Variants in ISL2 observed in about 807,000 individuals in gnomAD.
The protein encoded by ISL2 is ISL LIM homeobox 2, also known as insulin gene enhancer protein ISL-2.
ISL2 carries 17 observed loss-of-function variants against 34.6 expected under a neutral mutation model. The ratio of observed to expected loss-of-function variants is 0.49; its 90% CI spans 0.34 to 0.74. The LOEUF (loss-of-function observed/expected upper bound fraction) is 0.74. ISL2 is among the 30% of genes least tolerant of loss of function. The pLI, the probability that ISL2 is intolerant of heterozygous loss-of-function variation, is 0.01. For missense variants in ISL2, 469 were observed against 515.2 expected (o/e 0.91, Z 0.87); for synonymous variants, 232 against 225.5 (o/e 1.03, Z -0.26).
chr15:76,342,031 C>T lies in ISL2; in HGVS notation c.*196C>T. Reference sequence around the variant, plus strand: ...AACCTGCTTTCACCAGACTGCAGACCCCTGCTCCGAGGACTCTTAGTTTTT... The same window carrying T: ...AACCTGCTTTCACCAGACTGCAGACTCCTGCTCCGAGGACTCTTAGTTTTT... On this transcript the variant is annotated 3_prime_UTR_variant, in exon 6 of 6. Coordinates refer to ENST00000290759, the MANE Select transcript of ISL2 (RefSeq NM_145805.3). The T allele has an allele frequency of 1.8e-6, 1 of 553,416 alleles. No homozygotes were observed. Among genetic ancestry groups the T allele is most frequent in the Non-Finnish European group, 3.2e-6 (1 of 309,752 alleles). 34.3% of individuals were successfully genotyped at this position (553,416 alleles called of 1,614,324 possible).
At position 76,342,206 on chromosome 15, in the gene ISL2, C is replaced by G. The variant is rs537744934; in HGVS notation, c.*371C>G. On this transcript the variant is annotated 3_prime_UTR_variant, in exon 6 of 6. Coordinates refer to ENST00000290759, the MANE Select transcript of ISL2 (RefSeq NM_145805.3). ...CGCGGACCCCCGCCCTGCCCCAGCTCAGCGCTCCCTGGCGGCTTCGCCCGG... is the reference window on the plus strand; with the variant it reads ...CGCGGACCCCCGCCCTGCCCCAGCTGAGCGCTCCCTGGCGGCTTCGCCCGG... The G allele has an allele frequency of 7.7e-5, 14 of 183,000 alleles. No individual in the cohort carries two copies. Among genetic ancestry groups the G allele is most frequent in the African/African-American group, 3.3e-4 (14 of 42,824 alleles). 11.3% of individuals were successfully genotyped at this position (183,000 alleles called of 1,614,324 possible).
Position 76,340,415 on chromosome 15 carries a change from C to G in ISL2, c.651C>G (p.Asp217Glu), listed in dbSNP as rs552886276. ...RTCYAANPRP[D>E]ALMKEQLVEM... Reference sequence around the variant, plus strand: ...GCTACGCCGCCAACCCGCGGCCCGACGCTCTCATGAAGGAGCAGCTGGTGG... The same window carrying G: ...GCTACGCCGCCAACCCGCGGCCCGAGGCTCTCATGAAGGAGCAGCTGGTGG... The change falls in exon 4 of 6, where the codon GAC becomes GAG. Residue 217 changes from aspartate (D) to glutamate (E), a missense_variant. Coordinates refer to ENST00000290759, the MANE Select transcript of ISL2 (RefSeq NM_145805.3). 2 of 1,613,762 alleles carry G rather than the reference C, an allele frequency of 1.2e-6. No individual in the cohort carries two copies. Among genetic ancestry groups the G allele is most frequent in the South Asian group, 2.2e-5 (2 of 91,088 alleles).
Position 76,336,801 on chromosome 15 carries a change from A to T in ISL2, c.-83A>T. ...TCAACTCCGCGGGGCAGTAGGAGTT[A>T]GTTAGCAAAGAGCCGAGGCCGGGCG... On this transcript the variant is annotated 5_prime_UTR_variant, in exon 1 of 6. Coordinates refer to ENST00000290759, the MANE Select transcript of ISL2 (RefSeq NM_145805.3). 8.4e-7 allele frequency: 1 copy of T among 1,191,742 alleles called. No homozygotes were observed. The highest frequency in any genetic ancestry group is 1.3e-6 in the Non-Finnish European group (1 of 797,038). The allele number at this position is 1,191,742 out of a possible 1,614,324, so 73.8% of individuals were successfully genotyped here.
Position 76,338,357 on chromosome 15 carries a change from C to A in ISL2, c.354C>A (p.Ser118=). 1 of 1,559,244 alleles carries A rather than the reference C, an allele frequency of 6.4e-7. No individual in the cohort carries two copies. The highest frequency in any genetic ancestry group is 2.5e-5 in the East Asian group (1 of 39,332). The change falls in exon 3 of 6, where the codon TCC becomes TCA. Residue 118 remains serine (S), a synonymous_variant. Coordinates refer to ENST00000290759, the MANE Select transcript of ISL2 (RefSeq NM_145805.3). ...SVYHIECFRC[S]VCSRQLLPGD... is the part of the protein sequence containing the mutation. ...ACCACATCGAGTGCTTCCGCTGCTCCGTGTGCAGCCGCCAGCTGCTGCCTG... is the reference window on the plus strand; with the variant it reads ...ACCACATCGAGTGCTTCCGCTGCTCAGTGTGCAGCCGCCAGCTGCTGCCTG...
rs369945656 is a variant in ISL2 at position 76,340,548 on chromosome 15, A to G, written c.784A>G (p.Ser262Gly). The G allele has an allele frequency of 5.0e-6, 8 of 1,606,896 alleles. No homozygotes were observed. The East Asian group carries it at 8.9e-5, about 18-fold the overall frequency. Residue 262 changes from serine (S) to glycine (G), a missense_variant, in exon 4 of 6, where the codon AGC becomes GGC. Transcript: ENST00000290759. ...LMKQLQQQQH[S>G]DKTSLQGLTG... is the part of the protein sequence containing the mutation. ...GAAGCAGCTGCAGCAGCAGCAGCACAGCGACAAGACGGTGAGCAGCCGCTG... is the reference window on the plus strand; with the variant it reads ...GAAGCAGCTGCAGCAGCAGCAGCACGGCGACAAGACGGTGAGCAGCCGCTG...
At chr15:76,341,654 C>A in intron 5 of ISL2, 65 bp from the exon 6 acceptor site, 1 of 1,216,982 alleles carries the variant, frequency 8.2e-7, no homozygotes, top group Non-Finnish European at 1.2e-6. Context: ...TCGGAGCACG[C>A]GGCCCTGGAG....
Position 76,336,952 on chromosome 15 carries a change from CTGTGTGTGTGTGGGGTGGGG to C in ISL2, c.58+21_58+40del. 6.2e-7 allele frequency: 1 copy of C among 1,605,480 alleles called. No homozygotes were observed. Among genetic ancestry groups the C allele is most frequent in the Non-Finnish European group, 8.5e-7 (1 of 1,172,516 alleles). ...GTGATCATTCCAAGAGTAAGTATTT[CTGTGTGTGTGTGGGGTGGGG>C]TGTGTGTGTATGCTTAATATGCAAA... is the stretch of plus-strand genomic sequence containing the variant. On this transcript the variant is annotated intron_variant, in intron 1 of 5. Transcript: ENST00000290759.
chr15:76,341,401 G>A, intron 5 of ISL2, 100 bp downstream of exon 5: 1 of 1,208,674 alleles, frequency 8.3e-7, no homozygotes, highest in Non-Finnish European at 1.1e-6. Context: ...TTGGGCTGAG[G>A]GGCTGGGTAC....
intron 1 of ISL2, chr15:76,337,364 TCTGTG>T (rs1470153321): frequency 1.3e-5 from 4 of 317,598 alleles, no homozygotes; most frequent in Non-Finnish European, 2.3e-5. Flanking sequence ...AGACGATGTG[TCTGTG>T]TTGGGATAGG....
chr15:76,340,309 C>CGCACG lies in ISL2; in HGVS notation c.546_550dup (p.Val184GlyfsTer17), dbSNP rs1201192852. The CGCACG allele has an allele frequency of 6.2e-7, 1 of 1,609,584 alleles. No individual in the cohort carries two copies. Reference sequence around the variant, plus strand: ...TCGGGCCGGCAGCCCGCGTTGCGCCCGCACGTGCACAAGCAGACGGAGAAG... The same window carrying CGCACG: ...TCGGGCCGGCAGCCCGCGTTGCGCCCGCACGGCACGTGCACAAGCAGACGGAGAAG... On this transcript the variant is annotated frameshift_variant, in exon 4 of 6. Coordinates refer to ENST00000290759, the MANE Select transcript of ISL2 (RefSeq NM_145805.3). LOFTEE classifies it high-confidence loss of function.
In ISL2 at chr15:76,340,545, C is replaced by A. The variant is rs746362595; in HGVS notation, c.781C>A (p.His261Asn). 15 of 1,607,290 alleles carry A rather than the reference C, an allele frequency of 9.3e-6. 1 individual carries two copies. The Admixed American group carries it at 2.2e-4, about 23-fold the overall frequency. The change falls in exon 4 of 6, where the codon CAC (histidine) becomes AAC (asparagine). Residue 261 changes from histidine to asparagine, a missense_variant. His to Asn is a moderately conservative substitution (Grantham distance 68, BLOSUM62 1). Around this residue, in one of 3 missense-constraint regions of ISL2, gnomAD observed 169 missense variants for 154.2 expected, o/e 1.10. Transcript: ENST00000290759. ...ILMKQLQQQQ[H>N]SDKTSLQGLT... ...CATGAAGCAGCTGCAGCAGCAGCAG[C>A]ACAGCGACAAGACGGTGAGCAGCCG...
In ISL2 at chr15:76,342,463, AT is replaced by A. The variant is rs1344663165; in HGVS notation, c.*629del. 6.6e-6 allele frequency: 1 copy of A among 152,266 alleles called. No individual in the cohort carries two copies. The highest frequency in any genetic ancestry group is 1.5e-5 in the Non-Finnish European group (1 of 68,060). The allele number at this position is 152,266 out of a possible 1,614,324, so 9.4% of individuals were successfully genotyped here. On this transcript the variant is annotated 3_prime_UTR_variant, in exon 6 of 6. Coordinates refer to ENST00000290759, the MANE Select transcript of ISL2 (RefSeq NM_145805.3). ...ACTTGTATTTTGATCTTAATAAAAA[AT>A]AATAACCCGGGGCGACGCCACTCCT...
At chr15:76,340,198 T>C (rs2040182732) in intron 3 of ISL2, 78 bp from the exon 4 acceptor site, 1 of 1,358,426 alleles carries the variant, frequency 7.4e-7, no homozygotes, top group Non-Finnish European at 9.8e-7. Flanking sequence ...CCCGGGGGGC[T>C]GGGCCACCCG....
In ISL2 at chr15:76,338,466, C is replaced by T; in HGVS notation, c.463C>T (p.Pro155Ser). 1 of 1,396,938 alleles carries T rather than the reference C, an allele frequency of 7.2e-7. No homozygotes were observed. The allele number at this position is 1,396,938 out of a possible 1,614,324, so 86.5% of individuals were successfully genotyped here. A position where few individuals can be genotyped will look rare whatever the true frequency, so the allele number is the denominator to read the frequency against. Residue 155 changes from proline (P) to serine (S), a missense_variant, in exon 3 of 6, where the codon CCG becomes TCG. By Grantham distance (74) the Pro-to-Ser change is moderately conservative (BLOSUM62 -1). Transcript: ENST00000290759. Reference sequence around the variant, plus strand: ...GCTCGAGCGCGCCGCGGCCGGCAGCCCGCGCAGCCCCGGCCCGCTTCCCGG... The same window carrying T: ...GCTCGAGCGCGCCGCGGCCGGCAGCTCGCGCAGCCCCGGCCCGCTTCCCGG... ...LLLERAAAGSPRSPGPLPGAR... is the reference protein window; with the variant it reads ...LLLERAAAGSSRSPGPLPGAR...
Position 76,341,992 on chromosome 15 carries a change from A to G in ISL2, c.*157A>G, listed in dbSNP as rs2040197938. On this transcript the variant is annotated 3_prime_UTR_variant, in exon 6 of 6. Transcript: ENST00000290759. ...CGAGAGACACGGTCTGGACAGCCCA[A>G]GGCGCCAGGATGCAACCTGCTTTCA... 6.5e-6 allele frequency: 4 copies of G among 611,136 alleles called. No individual in the cohort carries two copies. In the East Asian group the frequency reaches 1.1e-4, roughly 17 times the overall value. 37.9% of individuals were successfully genotyped at this position (611,136 alleles called of 1,614,324 possible).
intron 4 of ISL2, among the ~76,000 whole-genome samples, 186 bp downstream of exon 4, chr15:76,340,745 C>T (rs1186487776): frequency 6.6e-6 from 1 of 152,236 alleles, no homozygotes; most frequent in Non-Finnish European, 1.5e-5. Context: ...TGTCTGGGAT[C>T]GGGGTTTCTC....
chr15:76,341,102 C>G, intron 4 of ISL2, 32 bp from the exon 5 acceptor site: 1 of 1,525,542 alleles, frequency 6.6e-7, no homozygotes, highest in Non-Finnish European at 8.8e-7. Flanking sequence ...AGACCTAACT[C>G]GAGCACCTAC....
intron 3 of ISL2, 135 bp downstream of exon 3, chr15:76,338,649 C>T (rs973029371): frequency 4.9e-6 from 6 of 1,229,126 alleles, no homozygotes; most frequent in Non-Finnish European, 6.1e-6. Flanking sequence ...TTTTCTGTAT[C>T]AGTGCGGAAC....
chr15:76,340,070 G>C (rs1596240475), intron 3 of ISL2: 2 of 1,399,254 alleles, frequency 1.4e-6, no homozygotes, highest in East Asian at 2.7e-5. Context: ...GGGCAGTCCG[G>C]CCCGGGAGCG....
Sources: gnomAD v4.1 joint callset for allele counts (sites outside exome capture counted in the v4.1 genomes callset) on GRCh38, gnomAD v4.1.1 for gene constraint, gnomAD v4.1.1 regional missense constraint, MANE v1.5 for transcripts, NCBI Gene and HGNC (gene_info 2026-07-23, HGNC 2026-07-21) for gene names.